Variants in NBEA observed in about 807,000 individuals in gnomAD.
The protein encoded by NBEA is neurobeachin.
NBEA carries 44 observed loss-of-function variants against 343.4 expected under a neutral mutation model. The observed-to-expected ratio is 0.13, with a 90% CI of 0.10 to 0.16. NBEA has a LOEUF of 0.16. Ranked by LOEUF, NBEA falls within the 10% of genes least tolerant of loss-of-function variation. The probability of loss-of-function intolerance (pLI) is 1.00; values close to 1 mark genes in which losing one functional copy is unlikely to be tolerated. For missense variants in NBEA, 2,555 were observed against 3,631.3 expected, an observed-to-expected ratio of 0.70 and a Z score of 7.62; for synonymous variants, 1,175 against 1,238.7, an observed-to-expected ratio of 0.95 and a Z score of 1.08.
chr13:35,523,526 G>C (rs766679643), intron 41 of NBEA, among the ~76,000 whole-genome samples: 26 of 152,166 alleles, frequency 1.7e-4, no homozygotes, highest in Non-Finnish European at 3.4e-4. Context: ...TTCGATTTGA[G>C]AGACAGCAGC....
At chr13:35,615,799 C>T (rs1401182362) in intron 48 of NBEA, among the ~76,000 whole-genome samples, 1 of 152,112 alleles carries the variant, frequency 6.6e-6, no homozygotes, top group Non-Finnish European at 1.5e-5. Context: ...AAGCCAGCTC[C>T]GTAGGGTGAG....
chr13:35,107,964 ATT>A (rs1158483978), intron 11 of NBEA, among the ~76,000 whole-genome samples: 1 of 152,026 alleles, frequency 6.6e-6, no homozygotes. Context: ...GTTGTTAGTT[ATT>A]TGCAATCATT....
chr13:35,153,956 A>T (rs1274734421), intron 18 of NBEA, among the ~76,000 whole-genome samples: 1 of 152,174 alleles, frequency 6.6e-6, no homozygotes, highest in Non-Finnish European at 1.5e-5. Flanking sequence ...GTTCTTTAGT[A>T]TATGGTTTTC....
rs192483293 is a variant in NBEA, at chr13:35,589,587, C to T, written c.7177-3741C>T. ...AAGAACAGAACAGAACTACAAGAAG[C>T]GAAGGATGTAAAAGATTATTATGAG... On this transcript the variant is annotated intron_variant, in intron 46 of 58. Transcript: ENST00000379939. Among the ~76,000 whole-genome samples the T allele has an allele frequency of 4.4e-3, 668 of 151,974 alleles. 5 individuals are homozygous for T. The highest frequency in any genetic ancestry group is 7.9e-3 in the Non-Finnish European group (540 of 67,954).
At chr13:35,072,227 TG>T (rs2063903760) in intron 10 of NBEA, among the ~76,000 whole-genome samples, 2 of 152,234 alleles carry the variant, frequency 1.3e-5, no homozygotes, top group African/African-American at 4.8e-5. Context: ...GAAAAATCCA[TG>T]TATTAATTTA....
chr13:35,087,595 A>G (rs1268067512), intron 10 of NBEA, among the ~76,000 whole-genome samples: 1 of 151,874 alleles, frequency 6.6e-6, no homozygotes, highest in East Asian at 1.9e-4. Context: ...TTTTTTCAAT[A>G]GTAGGCAAGG....
intron 46 of NBEA, among the ~76,000 whole-genome samples, chr13:35,586,770 G>T (rs1459519295): frequency 6.6e-6 from 1 of 151,848 alleles, no homozygotes; most frequent in East Asian, 1.9e-4. Context: ...TTAGTTTCTG[G>T]GTGATAATAA....
At chr13:35,565,070 G>A (rs559411979) in intron 44 of NBEA, among the ~76,000 whole-genome samples, 1 of 152,288 alleles carries the variant, frequency 6.6e-6, no homozygotes, top group African/African-American at 2.4e-5. Flanking sequence ...GTGTAATAGA[G>A]GTCTGTATGA....
chr13:35,139,057 C>CTTTTTTTTTT (rs36053692), intron 17 of NBEA, among the ~76,000 whole-genome samples: 4 of 97,888 alleles, frequency 4.1e-5, no homozygotes, highest in Admixed American at 1.4e-4. Flanking sequence ...CAAGAAATAT[C>CTTTTTTTTTT]TTTTTTTTTT....
At chr13:35,360,684 A>G (rs946083826) in intron 38 of NBEA, among the ~76,000 whole-genome samples, 2 of 152,100 alleles carry the variant, frequency 1.3e-5, no homozygotes, top group African/African-American at 4.8e-5. Flanking sequence ...ACAAAAAATG[A>G]AAAATCCATC....
At chr13:35,669,797 A>C (rs560159873) in intron 58 of NBEA, among the ~76,000 whole-genome samples, 1 of 152,346 alleles carries the variant, frequency 6.6e-6, no homozygotes, top group South Asian at 2.1e-4. Flanking sequence ...CAGAGAGCTC[A>C]GATCCTCATA....
At chr13:35,516,204 A>G (rs2077480570) in intron 41 of NBEA, among the ~76,000 whole-genome samples, 1 of 152,200 alleles carries the variant, frequency 6.6e-6, no homozygotes, top group Non-Finnish European at 1.5e-5. Flanking sequence ...CCTACATTTC[A>G]TCCTTGTCTA....
chr13:35,302,249 A>G (rs1307856474), intron 35 of NBEA, among the ~76,000 whole-genome samples: 1 of 152,100 alleles, frequency 6.6e-6, no homozygotes, highest in Non-Finnish European at 1.5e-5. Flanking sequence ...GACATGTATT[A>G]TATATCCTGG....
At chr13:35,193,091 T>C (rs911520681) in intron 30 of NBEA, among the ~76,000 whole-genome samples, 3 of 151,964 alleles carry the variant, frequency 2.0e-5, no homozygotes, top group African/African-American at 7.2e-5. Flanking sequence ...TTTTTGTTTC[T>C]GCATTTACAT....
chr13:35,182,628 C>A, intron 29 of NBEA, 100 bp downstream of exon 29: 1 of 1,090,834 alleles, frequency 9.2e-7, no homozygotes, highest in African/African-American at 1.6e-5. Flanking sequence ...ATAATCACCT[C>A]AAATATTTAT....
At chr13:35,502,043 G>A (rs944817350) in intron 41 of NBEA, among the ~76,000 whole-genome samples, 7 of 152,222 alleles carry the variant, frequency 4.6e-5, no homozygotes, top group Non-Finnish European at 8.8e-5. Flanking sequence ...AAACAGCAGA[G>A]AGAGCTCAAA....
chr13:35,420,351 C>T (rs2044193138), intron 38 of NBEA, among the ~76,000 whole-genome samples: 1 of 151,950 alleles, frequency 6.6e-6, no homozygotes, highest in African/African-American at 2.4e-5. Context: ...TAAATTTTGT[C>T]AAATATCTTT....
chr13:35,325,586 A>G (rs762332021), intron 36 of NBEA, among the ~76,000 whole-genome samples: 4 of 152,090 alleles, frequency 2.6e-5, no homozygotes, highest in Non-Finnish European at 5.9e-5. Flanking sequence ...CATCATAAGC[A>G]TAGGTGCAAT....
At position 35,671,142 on chromosome 13, in the gene NBEA, C is replaced by A; in HGVS notation, c.*151C>A. Reference sequence around the variant, plus strand: ...AATAGCTGTACATTGTAGTCAGCAACCATTTTACTTTGTGTGTTTTTTCAC... The same window carrying A: ...AATAGCTGTACATTGTAGTCAGCAAACATTTTACTTTGTGTGTTTTTTCAC... On this transcript the variant is annotated 3_prime_UTR_variant, in exon 59 of 59. Coordinates refer to ENST00000379939, the MANE Select transcript of NBEA (RefSeq NM_001385012.1). 1 of 579,038 alleles carries A rather than the reference C, an allele frequency of 1.7e-6. No homozygotes were observed. Among genetic ancestry groups the A allele is most frequent in the East Asian group, 2.8e-5 (1 of 35,970 alleles). The allele number at this position is 579,038 out of a possible 1,614,324, so 35.9% of individuals were successfully genotyped here. A position where few individuals can be genotyped will look rare whatever the true frequency, so the allele number is the denominator to read the frequency against.
Sources: allele counts gnomAD v4.1 joint callset (sites outside exome capture counted in the v4.1 genomes callset), GRCh38; gene constraint gnomAD v4.1.1; transcripts MANE v1.5; gene names NCBI Gene and HGNC (gene_info 2026-07-23, HGNC 2026-07-21).